Variants in NHS observed in about 807,000 individuals in gnomAD.
The protein encoded by NHS is NHS actin remodeling regulator, also known as actin remodeling regulator NHS.
In NHS, 5 loss-of-function variants were observed where a neutral mutation model predicts 72.5. The ratio of observed to expected loss-of-function variants is 0.07; its 90% CI spans 0.04 to 0.14. The LOEUF is 0.14. Ranked by LOEUF, NHS falls within the 10% of genes least tolerant of loss-of-function variation. NHS has a pLI of 1.00. For synonymous variants in NHS, 464 were observed against 547.7 expected, an observed-to-expected ratio of 0.85 and a Z score of 2.13; for missense variants, 1,072 against 1,355.7, an observed-to-expected ratio of 0.79 and a Z score of 3.29.
rs2064339257 is a variant in NHS at position 17,375,234 on chromosome X, C to T, written c.-524C>T. ...TTCCGAAACCTCCTCCCCGCCCAGC[C>T]AGGGAGAGAGATCCCGGGCGCAATC... On this transcript the variant is annotated 5_prime_UTR_variant, in exon 1 of 9. Transcript: ENST00000676302. Among the ~76,000 whole-genome samples, 1 of 112,132 alleles carries T rather than the reference C, an allele frequency of 8.9e-6. No individual in the cohort carries two copies. The highest frequency in any genetic ancestry group is 1.9e-5 in the Non-Finnish European group (1 of 53,023).
chrX:17,447,809 A>ACACACACACACACACG (rs1569256645), intron 1 of NHS, among the ~76,000 whole-genome samples: 11 of 110,058 alleles, frequency 1.0e-4, no homozygotes, highest in African/African-American at 3.6e-4. Flanking sequence ...ACACACACAC[A>ACACACACACACACACG]CACACACACA....
At chrX:17,627,552 C>T (rs1274732764) in intron 1 of NHS, among the ~76,000 whole-genome samples, 3 of 111,958 alleles carry the variant, frequency 2.7e-5, no homozygotes, top group African/African-American at 9.7e-5. Context: ...CCAAGCCTTT[C>T]TTTAGCATTC....
intron 1 of NHS, chrX:17,687,281 G>A (rs977588903): frequency 2.2e-5 from 4 of 185,173 alleles, no homozygotes; most frequent in African/African-American, 1.2e-4. Flanking sequence ...AGTTCAGGTG[G>A]ACAGCAGGGG....
intron 1 of NHS, among the ~76,000 whole-genome samples, chrX:17,598,194 G>T (rs2065633830): frequency 1.8e-5 from 2 of 111,122 alleles, no homozygotes; most frequent in Non-Finnish European, 3.8e-5. Flanking sequence ...TTCTTGGGCG[G>T]ACTCTTTTGT....
intron 1 of NHS, among the ~76,000 whole-genome samples, chrX:17,503,188 T>C (rs1437578386): frequency 8.9e-6 from 1 of 112,643 alleles, no homozygotes; most frequent in South Asian, 3.6e-4. Context: ...AATTCTTGGG[T>C]TTTGCCCTGG....
At chrX:17,469,491 A>G (rs997430072) in intron 1 of NHS, among the ~76,000 whole-genome samples, 1 of 111,810 alleles carries the variant, frequency 8.9e-6, no homozygotes, top group Non-Finnish European at 1.9e-5. Context: ...TTCTGCCTCA[A>G]TATCCTCTAA....
At chrX:17,450,168 C>T (rs1336250409) in intron 1 of NHS, among the ~76,000 whole-genome samples, 3 of 111,548 alleles carry the variant, frequency 2.7e-5, no homozygotes, top group Admixed American at 9.6e-5. Context: ...TGGGACACTA[C>T]GTACCAGGAT....
At chrX:17,446,648 T>G (rs748351407) in intron 1 of NHS, among the ~76,000 whole-genome samples, 1 of 103,812 alleles carries the variant, frequency 9.6e-6, no homozygotes, top group African/African-American at 3.8e-5. Flanking sequence ...ATAAACAGCC[T>G]TTTTGCCCAA....
intron 1 of NHS, among the ~76,000 whole-genome samples, chrX:17,445,766 G>A (rs1270169674): frequency 5.3e-5 from 5 of 93,728 alleles, no homozygotes; most frequent in Non-Finnish European, 8.4e-5. Flanking sequence ...AGGGGGGGGG[G>A]ACTCTGTATA....
At position 17,734,200 on chromosome X, in the gene NHS, A is replaced by G. The variant is rs1347365046; in HGVS notation, c.*1736A>G. The stretch of plus-strand genomic sequence containing the variant: ...AAGCTGCTGGCTTTAAGCTTATGCA[A>G]GTGGTAGTTGGGAAAGTAGGAGGTG... On this transcript the variant is annotated 3_prime_UTR_variant, in exon 9 of 9. Transcript: ENST00000676302. 4 of 112,163 alleles carry G rather than the reference A, an allele frequency of 3.6e-5. No homozygotes were observed. Among genetic ancestry groups the G allele is most frequent in the Non-Finnish European group, 7.5e-5 (4 of 53,218 alleles). The allele number at this position is 112,163 out of a possible 1,213,427, so 9.2% of individuals were successfully genotyped here. A position where few individuals can be genotyped will look rare whatever the true frequency, so the allele number is the denominator to read the frequency against.
At position 17,680,666 on chromosome X, in the gene NHS, C is replaced by T. The variant is rs777002349; in HGVS notation, c.566-7076C>T. On this transcript the variant is annotated intron_variant, in intron 1 of 8. Transcript: ENST00000676302. ...TAAGTTCTGGGGTACACGTGCAGAA[C>T]GTGCAGTTTTAAAATGCTAGTCTTG... Among the ~76,000 whole-genome samples, 222 of 111,480 alleles carry T rather than the reference C, an allele frequency of 2.0e-3. 1 individual carries two copies. Among genetic ancestry groups the T allele is most frequent in the Middle Eastern group, 9.2e-3 (2 of 217 alleles).
At chrX:17,647,614 G>A (rs988905425) in intron 1 of NHS, among the ~76,000 whole-genome samples, 10 of 112,170 alleles carry the variant, frequency 8.9e-5, no homozygotes, top group African/African-American at 3.2e-4. Flanking sequence ...ATACAAAACT[G>A]ACCCCATATT....
chrX:17,699,491 A>G (rs955533471), intron 3 of NHS, among the ~76,000 whole-genome samples: 5 of 112,038 alleles, frequency 4.5e-5, no homozygotes, highest in Non-Finnish European at 9.4e-5. Flanking sequence ...CTGCATAGCC[A>G]TTTGGTGAAA....
chrX:17,681,716 T>C (rs142855736), intron 1 of NHS, among the ~76,000 whole-genome samples: 229 of 112,147 alleles, frequency 2.0e-3, no homozygotes, highest in Non-Finnish European at 3.5e-3. Flanking sequence ...AAAACAACCA[T>C]GGTAACAGCA....
At chrX:17,503,856 C>T (rs1357995348) in intron 1 of NHS, among the ~76,000 whole-genome samples, 2 of 111,106 alleles carry the variant, frequency 1.8e-5, no homozygotes, top group Non-Finnish European at 3.8e-5. Context: ...GTCCCATGCC[C>T]AGCCATTCTG....
rs1239574988 is a variant in NHS, at chrX:17,727,379, A to AAGT, written c.3274_3276dup (p.Ser1092dup). ...TTATACCTCCTACCCATCTTGATCTAAGTGCTCTTCATAATGTCTTGAACA... is the reference window on the plus strand; with the variant it reads ...TTATACCTCCTACCCATCTTGATCTAAGTAGTGCTCTTCATAATGTCTTGAACA... On this transcript the variant is annotated inframe_insertion, in exon 7 of 9. Transcript: ENST00000676302. The AAGT allele has an allele frequency of 8.3e-7, 1 of 1,210,432 alleles. No individual in the cohort carries two copies. The highest frequency in any genetic ancestry group is 2.2e-5 in the Admixed American group (1 of 46,052).
chrX:17,414,117 C>T (rs1278381579), intron 1 of NHS, among the ~76,000 whole-genome samples: 1 of 112,369 alleles, frequency 8.9e-6, no homozygotes, highest in Non-Finnish European at 1.9e-5. Flanking sequence ...ATTTGATCTG[C>T]CAGGTCAAAT....
intron 1 of NHS, among the ~76,000 whole-genome samples, chrX:17,590,228 A>C (rs770400091): frequency 8.9e-6 from 1 of 111,816 alleles, no homozygotes; most frequent in South Asian, 3.7e-4. Context: ...TGTCTTTTGA[A>C]AATGTTCGAA....
chrX:17,694,447 A>G (rs183897651), intron 3 of NHS, among the ~76,000 whole-genome samples: 62 of 112,260 alleles, frequency 5.5e-4, no homozygotes, highest in African/African-American at 1.7e-3. Context: ...ATTTTCTTAG[A>G]CAACTCTCCT....
Sources: gnomAD v4.1 joint callset for allele counts (sites outside exome capture counted in the v4.1 genomes callset) on GRCh38, gnomAD v4.1.1 for gene constraint, MANE v1.5 for transcripts, NCBI Gene and HGNC (gene_info 2026-07-23, HGNC 2026-07-21) for gene names.